Variants in KIAA1328 observed in about 807,000 individuals in gnomAD.
KIAA1328 encodes the protein KIAA1328.
Under a neutral mutation model 68.1 loss-of-function variants are expected in KIAA1328, and 52 were observed. The ratio of observed to expected loss-of-function variants is 0.76; its 90% CI spans 0.61 to 0.96. The LOEUF (loss-of-function observed/expected upper bound fraction) is 0.96, where lower values mean the gene tolerates loss of function less well. KIAA1328 is among the 40% of genes least tolerant of loss of function. The pLI, the probability that KIAA1328 is intolerant of heterozygous loss-of-function variation, is 0.00. For missense variants in KIAA1328, 641 were observed against 677.6 expected, an observed-to-expected ratio of 0.95 and a Z score of 0.60; for synonymous variants, 232 against 239.4, an observed-to-expected ratio of 0.97 and a Z score of 0.28.
At chr18:36,864,228 T>TA (rs1461690578) in intron 4 of KIAA1328, among the ~76,000 whole-genome samples, 1 of 152,208 alleles carries the variant, frequency 6.6e-6, no homozygotes, top group Non-Finnish European at 1.5e-5. Flanking sequence ...AGCCTATTGA[T>TA]ATGGTAGATT....
chr18:37,120,933 A>G (rs1255574972), intron 7 of KIAA1328, among the ~76,000 whole-genome samples: 1 of 152,174 alleles, frequency 6.6e-6, no homozygotes. Flanking sequence ...AGAAATTTCT[A>G]GCTTTCTTAA....
At chr18:37,045,303 TG>T (rs1431419470) in intron 6 of KIAA1328, among the ~76,000 whole-genome samples, 1 of 152,228 alleles carries the variant, frequency 6.6e-6, no homozygotes, top group Non-Finnish European at 1.5e-5. Context: ...GCTGCAGTGC[TG>T]TTTGAAACCA....
rs568968966 is a variant in KIAA1328, at chr18:37,080,453, A to T, written c.1232+12908A>T. On this transcript the variant is annotated intron_variant, in intron 7 of 9. Coordinates refer to ENST00000280020, the MANE Select transcript of KIAA1328 (RefSeq NM_020776.3). ...AAATATATCCAAACCATCAGACAGT[A>T]CCCAGCTGTAACACTGGCCACCTTT... Among the ~76,000 whole-genome samples the T allele has an allele frequency of 4.9e-4, 74 of 152,226 alleles. No homozygotes were observed. The South Asian group carries it at 0.012, about 26-fold the overall frequency.
chr18:36,868,173 G>T (rs2047820866), intron 4 of KIAA1328, among the ~76,000 whole-genome samples: 1 of 152,282 alleles, frequency 6.6e-6, no homozygotes, highest in African/African-American at 2.4e-5. Context: ...GAAATTAGGG[G>T]TATAGTGAAT....
intron 5 of KIAA1328, among the ~76,000 whole-genome samples, chr18:36,896,656 G>T (rs1369509433): frequency 6.6e-6 from 1 of 152,018 alleles, no homozygotes; most frequent in Non-Finnish European, 1.5e-5. Context: ...CTGGATAAAT[G>T]GTACTAAACC....
intron 4 of KIAA1328, among the ~76,000 whole-genome samples, chr18:36,856,172 A>G (rs1383811533): frequency 2.0e-5 from 3 of 151,610 alleles, no homozygotes; most frequent in Admixed American, 2.0e-4. Flanking sequence ...TTCTTTTTTT[A>G]TCCTCCTTGG....
chr18:37,205,703 T>A (rs762802225), intron 9 of KIAA1328, among the ~76,000 whole-genome samples: 2 of 152,222 alleles, frequency 1.3e-5, no homozygotes, highest in Non-Finnish European at 2.9e-5. Context: ...AGGAATGTTG[T>A]GGTGGCCTAA....
chr18:36,858,461 C>T (rs1338291766), intron 4 of KIAA1328, among the ~76,000 whole-genome samples: 6 of 152,128 alleles, frequency 3.9e-5, no homozygotes, highest in Non-Finnish European at 5.9e-5. Context: ...CTAGCATCTA[C>T]AGCTTATATA....
intron 6 of KIAA1328, among the ~76,000 whole-genome samples, chr18:36,982,369 G>A (rs1222423616): frequency 4.6e-5 from 7 of 150,760 alleles, no homozygotes; most frequent in Admixed American, 4.6e-4. Flanking sequence ...AATCAGTGAT[G>A]AACAAAAATA....
intron 5 of KIAA1328, among the ~76,000 whole-genome samples, chr18:36,899,766 AGAGT>A (rs2048978072): frequency 1.3e-5 from 2 of 151,970 alleles, no homozygotes; most frequent in African/African-American, 4.8e-5. Context: ...TGGCAGAAGT[AGAGT>A]AAGAGCAAAG....
chr18:37,057,829 A>G (rs2055980318), intron 6 of KIAA1328, among the ~76,000 whole-genome samples: 1 of 152,180 alleles, frequency 6.6e-6, no homozygotes, highest in Admixed American at 6.5e-5. Flanking sequence ...CTTTTGCACT[A>G]CAAAAGCAGA....
chr18:37,066,775 G>A (rs2056351983), intron 6 of KIAA1328, 115 bp from the exon 7 acceptor site: 9 of 1,002,746 alleles, frequency 9.0e-6, no homozygotes, highest in Admixed American at 3.0e-5. Flanking sequence ...TAATATTTAA[G>A]ACAAAACAAC....
At chr18:37,129,413 G>A (rs184706871) in intron 7 of KIAA1328, among the ~76,000 whole-genome samples, 30 of 152,134 alleles carry the variant, frequency 2.0e-4, no homozygotes, top group South Asian at 6.2e-4. Flanking sequence ...AACAAACAGC[G>A]TAGCAATATA....
intron 5 of KIAA1328, among the ~76,000 whole-genome samples, chr18:36,958,676 A>C (rs1428952685): frequency 6.6e-6 from 1 of 152,148 alleles, no homozygotes; most frequent in African/African-American, 2.4e-5. Flanking sequence ...CCCACTTTTA[A>C]ATTGTACTAA....
intron 6 of KIAA1328, among the ~76,000 whole-genome samples, chr18:37,008,050 G>A (rs1465068461): frequency 6.6e-6 from 1 of 152,200 alleles, no homozygotes; most frequent in Non-Finnish European, 1.5e-5. Context: ...CCAAGTAAAT[G>A]AGCTTAGCAT....
chr18:37,120,528 C>G (rs2058242792), intron 7 of KIAA1328, among the ~76,000 whole-genome samples: 1 of 152,090 alleles, frequency 6.6e-6, no homozygotes, highest in African/African-American at 2.4e-5. Context: ...ATCTTTGTCA[C>G]TTTGTTAGTA....
chr18:37,129,816 G>A (rs1448065011), intron 7 of KIAA1328, among the ~76,000 whole-genome samples: 1 of 152,168 alleles, frequency 6.6e-6, no homozygotes, highest in Non-Finnish European at 1.5e-5. Context: ...ACAATGTAGA[G>A]TTGATGCTAT....
rs564746750 is a variant in KIAA1328 at position 37,203,875 on chromosome 18, T to A, written c.1524-18142T>A. Among the ~76,000 whole-genome samples, 486 of 151,750 alleles carry A rather than the reference T, an allele frequency of 3.2e-3. 2 individuals carry two copies. The highest frequency in any genetic ancestry group is 0.017 in the Middle Eastern group (5 of 292). ...CCCAGGCTGGAGTGCAGTGGCGCCATCTCAGCTCACTGCAAGCTCCGCCTC... is the reference window on the plus strand; with the variant it reads ...CCCAGGCTGGAGTGCAGTGGCGCCAACTCAGCTCACTGCAAGCTCCGCCTC... On this transcript the variant is annotated intron_variant, in intron 9 of 9. Coordinates refer to ENST00000280020, the MANE Select transcript of KIAA1328 (RefSeq NM_020776.3).
At chr18:37,154,676 G>A (rs1262784537) in intron 7 of KIAA1328, among the ~76,000 whole-genome samples, 1 of 152,090 alleles carries the variant, frequency 6.6e-6, no homozygotes, top group Non-Finnish European at 1.5e-5. Flanking sequence ...CCCAGAGCTT[G>A]CTATCACCCA....
Sources: allele counts gnomAD v4.1 joint callset (sites outside exome capture counted in the v4.1 genomes callset), GRCh38; gene constraint gnomAD v4.1.1; transcripts MANE v1.5; gene names NCBI Gene and HGNC (gene_info 2026-07-23, HGNC 2026-07-21).